MACROD2: variants seen among roughly 807,000 people sequenced by gnomAD.
MACROD2 encodes the protein ADP-ribose glycohydrolase MACROD2.
MACROD2 carries 36 observed loss-of-function variants against 70.4 expected under a neutral mutation model. That is an observed-to-expected ratio of 0.51 (90% CI 0.39 to 0.68). The LOEUF (loss-of-function observed/expected upper bound fraction) is 0.68. Ranked by LOEUF, MACROD2 falls within the 30% of genes least tolerant of loss-of-function variation. The pLI is 0.00. For synonymous variants in MACROD2, 172 were observed against 178.8 expected (o/e 0.96, Z 0.30); for missense variants, 496 against 538.4 (o/e 0.92, Z 0.78).
intron 10 of MACROD2, among the ~76,000 whole-genome samples, chr20:15,897,419 C>A (rs759776966): frequency 6.6e-6 from 1 of 152,082 alleles, no homozygotes; most frequent in Non-Finnish European, 1.5e-5. Context: ...ATTTGCTGTA[C>A]TTCTTGGATC....
intron 5 of MACROD2, among the ~76,000 whole-genome samples, chr20:14,868,508 C>T (rs1825264695): frequency 2.0e-5 from 3 of 152,024 alleles, no homozygotes; most frequent in Admixed American, 1.3e-4. Flanking sequence ...TACTATTGGC[C>T]ACTACAATAA....
chr20:14,963,738 A>G (rs1049789560), intron 5 of MACROD2, among the ~76,000 whole-genome samples: 4 of 152,214 alleles, frequency 2.6e-5, no homozygotes, highest in African/African-American at 9.6e-5. Flanking sequence ...TTCTTGGAAG[A>G]AAGTGGAAAG....
intron 5 of MACROD2, among the ~76,000 whole-genome samples, chr20:15,009,712 T>C (rs766297745): frequency 6.6e-6 from 1 of 151,758 alleles, no homozygotes; most frequent in Non-Finnish European, 1.5e-5. Context: ...CCTTCCCAGC[T>C]AATTTTTTTC....
chr20:14,856,366 A>G (rs1194436829), intron 5 of MACROD2, among the ~76,000 whole-genome samples: 1 of 152,192 alleles, frequency 6.6e-6, no homozygotes, highest in Non-Finnish European at 1.5e-5. Context: ...TTAATAAAAC[A>G]CAGCCAGCAT....
chr20:15,797,609 G>A (rs2063686900), intron 8 of MACROD2, among the ~76,000 whole-genome samples: 1 of 152,186 alleles, frequency 6.6e-6, no homozygotes, highest in Admixed American at 6.5e-5. Flanking sequence ...AAACTGTCAT[G>A]TAGCCACGCA....
At chr20:16,012,763 C>G (rs1168160933) in intron 15 of MACROD2, among the ~76,000 whole-genome samples, 1 of 152,088 alleles carries the variant, frequency 6.6e-6, no homozygotes, top group Non-Finnish European at 1.5e-5. Context: ...CCATTCCTGA[C>G]CATGGGAGAG....
intron 5 of MACROD2, among the ~76,000 whole-genome samples, chr20:15,183,314 C>T (rs1051867555): frequency 2.0e-5 from 3 of 151,894 alleles, no homozygotes; most frequent in South Asian, 4.2e-4. Context: ...GCAGGAGGAT[C>T]GCTTGGGGCC....
chr20:14,446,336 T>G (rs905631593), intron 3 of MACROD2, among the ~76,000 whole-genome samples: 12 of 152,124 alleles, frequency 7.9e-5, no homozygotes, highest in African/African-American at 2.7e-4. Flanking sequence ...ATGTGGAAAT[T>G]GAGGCATTAG....
At chr20:14,969,425 A>G (rs75005025) in intron 5 of MACROD2, among the ~76,000 whole-genome samples, 3,318 of 151,200 alleles carry the variant, frequency 0.022, 130 homozygotes, top group African/African-American at 0.075. Flanking sequence ...TATTCAGCAC[A>G]GATTTGATGA....
intron 11 of MACROD2, among the ~76,000 whole-genome samples, chr20:15,933,819 T>A (rs6110836): frequency 2.0e-5 from 3 of 152,108 alleles, no homozygotes; most frequent in African/African-American, 7.2e-5. Flanking sequence ...GGAGATGGTG[T>A]GATGGGCCTG....
intron 5 of MACROD2, among the ~76,000 whole-genome samples, chr20:14,999,221 G>C (rs1008227002): frequency 1.3e-5 from 2 of 152,206 alleles, no homozygotes; most frequent in Non-Finnish European, 2.9e-5. Context: ...GGAGTAGTAA[G>C]TACACAGACA....
intron 5 of MACROD2, among the ~76,000 whole-genome samples, chr20:14,862,870 G>A (rs546859161): frequency 3.1e-4 from 46 of 148,850 alleles, no homozygotes; most frequent in African/African-American, 1.1e-3. Flanking sequence ...CTGTAGTGAG[G>A]GATTTTGAAC....
chr20:14,954,494 A>ATATATAATTATTATTATATAATTAATAT (rs1178134923), intron 5 of MACROD2, among the ~76,000 whole-genome samples: 18 of 141,800 alleles, frequency 1.3e-4, no homozygotes, highest in African/African-American at 1.8e-4. Context: ...TATATAAATT[A>ATATATAATTATTATTATATAATTAATAT]TATATAATTA....
chr20:14,495,836 G>A (rs548456525), intron 4 of MACROD2, among the ~76,000 whole-genome samples: 35 of 152,034 alleles, frequency 2.3e-4, no homozygotes, highest in African/African-American at 7.7e-4. Flanking sequence ...AATTTGTCAC[G>A]ATTTATAATT....
Position 14,318,067 on chromosome 20 carries a change from TC to T in MACROD2, c.272-175408del, listed in dbSNP as rs775434327. 4.6e-5 allele frequency among the ~76,000 whole-genome samples: 7 copies of T among 152,150 alleles called. 1 individual carries two copies. Among genetic ancestry groups the T allele is most frequent in the Non-Finnish European group, 1.0e-4 (7 of 68,034 alleles). The stretch of plus-strand genomic sequence containing the variant: ...TTCTGGGTATATTCATTAACATTGA[TC>T]CCCATATTAAGGAAATTAAAATGCG... On this transcript the variant is annotated intron_variant, in intron 3 of 17. Transcript: ENST00000684519.
At chr20:14,319,581 C>G (rs1335998431) in intron 3 of MACROD2, among the ~76,000 whole-genome samples, 2 of 152,112 alleles carry the variant, frequency 1.3e-5, no homozygotes, top group Non-Finnish European at 2.9e-5. Flanking sequence ...TGTCAGCACC[C>G]TAGAGGCTTT....
At chr20:14,232,717 C>T (rs950178489) in intron 3 of MACROD2, among the ~76,000 whole-genome samples, 1 of 152,234 alleles carries the variant, frequency 6.6e-6, no homozygotes, top group Non-Finnish European at 1.5e-5. Flanking sequence ...CTCAAATTTT[C>T]TCCACATCAG....
intron 8 of MACROD2, among the ~76,000 whole-genome samples, chr20:15,543,715 C>T (rs1447488307): frequency 6.6e-6 from 1 of 152,132 alleles, no homozygotes; most frequent in East Asian, 1.9e-4. Flanking sequence ...GCATGTGAAT[C>T]TATGGGACTA....
chr20:14,040,145 G>A (rs1028665294), intron 2 of MACROD2, among the ~76,000 whole-genome samples: 1 of 152,074 alleles, frequency 6.6e-6, no homozygotes, highest in African/African-American at 2.4e-5. Flanking sequence ...GTGTAGTTAG[G>A]TGATTTAGTC....
Sources: allele counts gnomAD v4.1 joint callset (sites outside exome capture counted in the v4.1 genomes callset), GRCh38; gene constraint gnomAD v4.1.1; transcripts MANE v1.5; gene names NCBI Gene and HGNC (gene_info 2026-07-23, HGNC 2026-07-21).